Variants in LIPC observed in about 807,000 individuals in gnomAD.
LIPC encodes the protein lipase C, hepatic type, also known as hepatic triacylglycerol lipase.
A neutral mutation model predicts 50.7 loss-of-function variants in LIPC; 44 were observed. The ratio of observed to expected loss-of-function variants is 0.87; its 90% CI spans 0.68 to 1.11. The LOEUF is 1.11. LIPC is among the 50% of genes most tolerant of loss of function. The pLI is 0.00. For synonymous variants in LIPC, 271 were observed against 256.4 expected (o/e 1.06, Z -0.54); for missense variants, 697 against 648.2 (o/e 1.08, Z -0.82).
chr15:58,445,192 G>A (rs1460411812), intron 1 of LIPC, among the ~76,000 whole-genome samples: 10 of 152,334 alleles, frequency 6.6e-5, no homozygotes, highest in East Asian at 1.9e-4. Flanking sequence ...AGCAATAACC[G>A]GCAGGAGACC....
At chr15:58,459,376 T>G (rs965984443) in intron 1 of LIPC, among the ~76,000 whole-genome samples, 9 of 150,586 alleles carry the variant, frequency 6.0e-5, no homozygotes, top group African/African-American at 2.2e-4. Flanking sequence ...AGTGAAAATC[T>G]TTTGGAGAAT....
At chr15:58,538,632 A>C in intron 2 of LIPC, 115 bp downstream of exon 2, 1 of 1,003,012 alleles carries the variant, frequency 1.0e-6, no homozygotes, top group Non-Finnish European at 1.6e-6. Flanking sequence ...TCCATGCATA[A>C]TGTTTATGAA....
chr15:58,438,109 A>G (rs896943326), intron 1 of LIPC, among the ~76,000 whole-genome samples: 3 of 152,174 alleles, frequency 2.0e-5, no homozygotes, highest in Non-Finnish European at 4.4e-5. Flanking sequence ...ATGAGTGCGC[A>G]GCCAAAAGCC....
rs1566922894 is a variant in LIPC at position 58,480,041 on chromosome 15, G to C, written c.88+47921G>C. 1.3e-5 allele frequency among the ~76,000 whole-genome samples: 2 copies of C among 152,310 alleles called. 1 individual carries two copies. The highest frequency in any genetic ancestry group is 4.1e-4 in the South Asian group (2 of 4,826). On this transcript the variant is annotated intron_variant, in intron 1 of 8. Coordinates refer to ENST00000299022, the MANE Select transcript of LIPC (RefSeq NM_000236.3). ...ACATGTTGCTTGAGCAAATAAGTCAGTTTCTTGTATGGTATCTGGCATGTG... is the reference window on the plus strand; with the variant it reads ...ACATGTTGCTTGAGCAAATAAGTCACTTTCTTGTATGGTATCTGGCATGTG...
intron 8 of LIPC, 157 bp downstream of exon 8, chr15:58,563,880 C>T: frequency 4.2e-6 from 3 of 718,498 alleles, no homozygotes; most frequent in Non-Finnish European, 7.4e-6. Flanking sequence ...ACTATCCCAA[C>T]TTTACACAGC....
chr15:58,515,533 C>CACACATATATATAT (rs147594972), intron 1 of LIPC, among the ~76,000 whole-genome samples: 17 of 141,726 alleles, frequency 1.2e-4, no homozygotes, highest in Admixed American at 3.5e-4. Context: ...TATACACACA[C>CACACATATATATAT]ATATATATAT....
intron 1 of LIPC, among the ~76,000 whole-genome samples, chr15:58,486,496 C>T (rs897773215): frequency 2.6e-5 from 4 of 152,194 alleles, no homozygotes; most frequent in Admixed American, 2.6e-4. Context: ...TAGTTATGAC[C>T]CTCTGAGATG....
chr15:58,550,137 TG>T (rs1893693077), intron 6 of LIPC, among the ~76,000 whole-genome samples: 1 of 152,150 alleles, frequency 6.6e-6, no homozygotes. Flanking sequence ...CATTTAGACC[TG>T]GGGCCTCCAA....
intron 1 of LIPC, chr15:58,494,859 G>C: frequency 2.2e-6 from 1 of 456,156 alleles, no homozygotes; most frequent in Non-Finnish European, 4.4e-6. Context: ...CCCTTCATCT[G>C]ATTTCCTTAG....
intron 1 of LIPC, among the ~76,000 whole-genome samples, chr15:58,478,593 A>G (rs1476049670): frequency 6.6e-6 from 1 of 152,184 alleles, no homozygotes; most frequent in Non-Finnish European, 1.5e-5. Context: ...TATTACTATG[A>G]TTTATCCCCA....
chr15:58,486,680 C>A (rs897643353), intron 1 of LIPC, among the ~76,000 whole-genome samples: 6 of 152,202 alleles, frequency 3.9e-5, no homozygotes, highest in Non-Finnish European at 8.8e-5. Flanking sequence ...AGGACATCTA[C>A]CAATGCAGCA....
At chr15:58,477,982 C>T (rs1407247298) in intron 1 of LIPC, among the ~76,000 whole-genome samples, 2 of 151,948 alleles carry the variant, frequency 1.3e-5, no homozygotes, top group Non-Finnish European at 2.9e-5. Flanking sequence ...GCCAGGGGGA[C>T]GTGCACCCTA....
chr15:58,488,223 T>C (rs1023307730), intron 1 of LIPC, among the ~76,000 whole-genome samples: 13 of 152,184 alleles, frequency 8.5e-5, no homozygotes, highest in African/African-American at 3.1e-4. Context: ...TGAGCCAAGA[T>C]CATGCCACTA....
At chr15:58,472,804 C>T (rs1333353454) in intron 1 of LIPC, among the ~76,000 whole-genome samples, 16 of 152,142 alleles carry the variant, frequency 1.1e-4, no homozygotes, top group African/African-American at 3.9e-4. Context: ...GTCTTCACAA[C>T]GGCCTTATGA....
At chr15:58,510,258 A>G (rs1007933470) in intron 1 of LIPC, among the ~76,000 whole-genome samples, 4 of 152,220 alleles carry the variant, frequency 2.6e-5, no homozygotes, top group Non-Finnish European at 5.9e-5. Context: ...TGTGGAATAT[A>G]TCTTACAATG....
At chr15:58,442,379 G>C (rs185025012) in intron 1 of LIPC, among the ~76,000 whole-genome samples, 8 of 152,268 alleles carry the variant, frequency 5.3e-5, no homozygotes, top group African/African-American at 1.7e-4. Context: ...CCAGACACCC[G>C]GAGGACAAAG....
intron 4 of LIPC, 70 bp downstream of exon 4, chr15:58,542,721 C>A: frequency 1.0e-6 from 1 of 993,418 alleles, no homozygotes; most frequent in Non-Finnish European, 1.6e-6. Context: ...CCTGCTTTTC[C>A]AACAGGCTCA....
At chr15:58,529,276 C>T (rs1892878393) in intron 1 of LIPC, among the ~76,000 whole-genome samples, 1 of 152,212 alleles carries the variant, frequency 6.6e-6, no homozygotes, top group South Asian at 2.1e-4. Flanking sequence ...CTGTGATTGT[C>T]CAGCTCCTGG....
intron 1 of LIPC, chr15:58,498,744 A>C (rs538913496): frequency 4.7e-4 from 72 of 152,354 alleles, no homozygotes; most frequent in African/African-American, 1.7e-3. Flanking sequence ...AAGAAGCATT[A>C]GACTGGGAGT....
Sources: allele counts gnomAD v4.1 joint callset (sites outside exome capture counted in the v4.1 genomes callset), GRCh38; gene constraint gnomAD v4.1.1; transcripts MANE v1.5; gene names NCBI Gene and HGNC (gene_info 2026-07-23, HGNC 2026-07-21).